The following ACTA2 variants were observed in gnomAD, a reference collection of about 807,000 sequenced individuals.
ACTA2 encodes actin, aortic smooth muscle.
ACTA2 carries 12 observed loss-of-function variants against 39.5 expected under a neutral mutation model. The observed-to-expected ratio is 0.30, with a 90% confidence interval of 0.19 to 0.49. The LOEUF (loss-of-function observed/expected upper bound fraction) is 0.49. Among genes scored for constraint, ACTA2 ranks in the 20% least tolerant of loss-of-function variants. ACTA2 has a pLI of 0.99. For missense variants in ACTA2, 236 were observed against 498.8 expected (o/e 0.47, Z 5.02); for synonymous variants, 158 against 180.6 (o/e 0.88, Z 1.00).
upstream of ACTA2, among the ~76,000 whole-genome samples, chr10:88,953,264 T>C (rs1211256696): frequency 6.6e-6 from 1 of 152,108 alleles, no homozygotes; most frequent in African/African-American, 2.4e-5. Flanking sequence ...TATAAATACA[T>C]AGAGGGAGTG....
upstream of ACTA2, among the ~76,000 whole-genome samples, chr10:88,954,988 G>T (rs1307974637): frequency 1.2e-5 from 1 of 82,718 alleles, no homozygotes; most frequent in Non-Finnish European, 2.3e-5. Context: ...AGGGGTTATG[G>T]AACAATTAGA....
At chr10:88,984,630 G>C (rs1290967125) in intron 1 of ACTA2, among the ~76,000 whole-genome samples, 3 of 152,218 alleles carry the variant, frequency 2.0e-5, no homozygotes, top group African/African-American at 7.2e-5. Flanking sequence ...AACTTCAAAA[G>C]GCTGATGTGG....
chr10:88,958,557 G>A (rs1002919157), intron 1 of ACTA2, among the ~76,000 whole-genome samples: 3 of 152,138 alleles, frequency 2.0e-5, no homozygotes, highest in African/African-American at 7.2e-5. Flanking sequence ...CATGCACAGA[G>A]GTGTGGGTAG....
chr10:88,975,648 T>C (rs116685988), intron 1 of ACTA2, among the ~76,000 whole-genome samples: 1,991 of 152,208 alleles, frequency 0.013, 47 homozygotes, highest in African/African-American at 0.046. Flanking sequence ...TAGGATTTTT[T>C]TTTTTCAATG....
At chr10:88,984,511 T>C (rs533954315) in intron 1 of ACTA2, among the ~76,000 whole-genome samples, 1 of 152,368 alleles carries the variant, frequency 6.6e-6, no homozygotes, top group Non-Finnish European at 1.5e-5. Flanking sequence ...GCATTTAAGT[T>C]CTAAGTATTA....
rs1050187341 is a variant in ACTA2, at chr10:88,990,228, T to C, written c.-24+711A>G. ...CAGAAACGTCTGTGAGCCTCTCATG[T>C]TGCAGCCACAACATGGACAGCCCAG... On this transcript the variant is annotated intron_variant, in intron 1 of 4. Coordinates refer to the ACTA2 transcript ENST00000415557. The surrounding 1 kb of genome is among the most constrained non-coding windows in gnomAD (Gnocchi z 4.9). Among the ~76,000 whole-genome samples the C allele has an allele frequency of 6.6e-6, 1 of 152,214 alleles. No homozygotes were observed. Among genetic ancestry groups the C allele is most frequent in the Admixed American group, 6.5e-5 (1 of 15,280 alleles).
chr10:88,957,839 C>T (rs1241851881), intron 1 of ACTA2, among the ~76,000 whole-genome samples: 3 of 152,138 alleles, frequency 2.0e-5, no homozygotes, highest in Non-Finnish European at 4.4e-5. Flanking sequence ...GCGACCTCGG[C>T]TCACTGCAAC....
At chr10:88,962,583 G>A (rs1412492620) in intron 1 of ACTA2, among the ~76,000 whole-genome samples, 1 of 152,084 alleles carries the variant, frequency 6.6e-6, no homozygotes, top group Non-Finnish European at 1.5e-5. Flanking sequence ...ATTGTCTTTG[G>A]TGACAAATAC....
intron 8 of ACTA2, 117 bp downstream of exon 8, chr10:88,937,944 A>G (rs1845773357): frequency 2.6e-6 from 3 of 1,163,726 alleles, no homozygotes; most frequent in Admixed American, 3.8e-5. Flanking sequence ...TCCATTACCT[A>G]CCCCTAAAAC....
intron 1 of ACTA2, among the ~76,000 whole-genome samples, chr10:88,983,852 A>G (rs1217559043): frequency 6.6e-6 from 1 of 152,212 alleles, no homozygotes; most frequent in East Asian, 1.9e-4. Flanking sequence ...GGGATTTCAA[A>G]GCCAGGTGGA....
chr10:88,973,035 A>G, intron 1 of ACTA2: 3 of 889,966 alleles, frequency 3.4e-6, no homozygotes, highest in Non-Finnish European at 4.9e-6. Context: ...TAGAGTTTGT[A>G]GTTGTTTTAT....
chr10:88,942,246 T>G (rs576395146), intron 4 of ACTA2, among the ~76,000 whole-genome samples: 2 of 152,132 alleles, frequency 1.3e-5, no homozygotes, highest in East Asian at 1.9e-4. Context: ...CTAAATGAGA[T>G]CTCCCATTTT....
intron 1 of ACTA2, among the ~76,000 whole-genome samples, chr10:88,980,015 A>G (rs1053145425): frequency 1.3e-5 from 2 of 152,260 alleles, no homozygotes; most frequent in Non-Finnish European, 2.9e-5. Context: ...CAAAGTCTGT[A>G]GTTTCAGAAG....
intron 1 of ACTA2, among the ~76,000 whole-genome samples, chr10:88,958,849 G>A (rs887622586): frequency 5.3e-5 from 8 of 152,084 alleles, no homozygotes; most frequent in African/African-American, 1.4e-4. Context: ...GGGTTTCCTC[G>A]GTCCTCGGGG....
intron 1 of ACTA2, among the ~76,000 whole-genome samples, chr10:88,960,189 A>G (rs1465588070): frequency 6.6e-6 from 1 of 152,224 alleles, no homozygotes; most frequent in Non-Finnish European, 1.5e-5. Context: ...GAGTATTTAT[A>G]TAAATTATCC....
intron 1 of ACTA2, among the ~76,000 whole-genome samples, chr10:88,959,530 A>G (rs1398652404): frequency 6.6e-6 from 1 of 152,212 alleles, no homozygotes; most frequent in Admixed American, 6.5e-5. Flanking sequence ...CTTAGAGTCA[A>G]TTTTCCAAAA....
At chr10:88,974,487 A>G (rs890256518) in intron 1 of ACTA2, 8 of 152,200 alleles carry the variant, frequency 5.3e-5, no homozygotes, top group Admixed American at 2.0e-4. Flanking sequence ...TAAAAAATGA[A>G]TTCCTCTTGT....
At chr10:88,987,384 T>C (rs1326289196) in intron 1 of ACTA2, among the ~76,000 whole-genome samples, 1 of 152,328 alleles carries the variant, frequency 6.6e-6, no homozygotes, top group Middle Eastern at 3.4e-3. Context: ...TAGAGTTGGG[T>C]AACTTTGGGT....
intron 1 of ACTA2, among the ~76,000 whole-genome samples, chr10:88,962,377 T>C (rs1214853764): frequency 6.6e-6 from 1 of 152,146 alleles, no homozygotes; most frequent in African/African-American, 2.4e-5. Context: ...ACCTACAGTA[T>C]TTCAATAGGT....
Sources: gnomAD v4.1 joint callset for allele counts (sites outside exome capture counted in the v4.1 genomes callset) on GRCh38, gnomAD v4.1.1 for gene constraint, Gnocchi (gnomAD v3.1) non-coding constraint, MANE v1.5 for transcripts, NCBI Gene and HGNC (gene_info 2026-07-23, HGNC 2026-07-21) for gene names.